VSIR: variants seen among roughly 807,000 people sequenced by gnomAD.
VSIR encodes V-type immunoglobulin domain-containing suppressor of T-cell activation.
In VSIR, 10 loss-of-function variants were observed where a neutral mutation model predicts 31.0. That is an observed-to-expected ratio of 0.32 (90% CI 0.20 to 0.55). The LOEUF (loss-of-function observed/expected upper bound fraction) is 0.55, where lower values mean the gene tolerates loss of function less well. Ranked by LOEUF, VSIR falls within the 20% of genes least tolerant of loss-of-function variation. The pLI is 0.93. For synonymous variants in VSIR, 179 were observed against 180.1 expected, an observed-to-expected ratio of 0.99 and a Z score of 0.05; for missense variants, 356 against 416.2, an observed-to-expected ratio of 0.86 and a Z score of 1.26.
intron 2 of VSIR, 131 bp from the exon 3 acceptor site, chr10:71,761,055 G>T: frequency 1.1e-6 from 1 of 874,168 alleles, no homozygotes; most frequent in Non-Finnish European, 1.9e-6. Context: ...TTGGCCCAGT[G>T]GCAGCCTGCA....
intron 3 of VSIR, among the ~76,000 whole-genome samples, chr10:71,756,084 C>T (rs1455116654): frequency 6.6e-6 from 1 of 152,122 alleles, no homozygotes; most frequent in Non-Finnish European, 1.5e-5. Flanking sequence ...AGGAGAAACA[C>T]CCGGGGTGAG....
intron 4 of VSIR, chr10:71,753,899 G>A (rs1840068064): frequency 1.1e-5 from 5 of 456,184 alleles, no homozygotes; most frequent in Non-Finnish European, 1.8e-5. Flanking sequence ...AGGTGCACAC[G>A]GGTATTCCCT....
At chr10:71,761,304 A>G (rs1276833662) in intron 2 of VSIR, among the ~76,000 whole-genome samples, 2 of 152,224 alleles carry the variant, frequency 1.3e-5, no homozygotes, top group Admixed American at 6.5e-5. Flanking sequence ...CACAGCAGCC[A>G]TGATGTCATC....
rs1470815969 is a variant in VSIR, at chr10:71,759,970, TAC to T, written c.568+896_568+897del. Among the ~76,000 whole-genome samples, 594 of 79,020 alleles carry T rather than the reference TAC, an allele frequency of 7.5e-3. 80 individuals carry two copies. The highest frequency in any genetic ancestry group is 0.015 in the Middle Eastern group (2 of 130). The allele number at this position is 79,020 out of a possible 152,430, so 51.8% of individuals were successfully genotyped here. On this transcript the variant is annotated intron_variant, in intron 3 of 6. Transcript: ENST00000394957. ...ACATATATATACACACACATATATA[TAC>T]ACACACACATATATATACACACACA...
At position 71,761,708 on chromosome 10, in the gene VSIR, C is replaced by T. The variant is rs200235042; in HGVS notation, c.401G>A (p.Arg134His). The change falls in exon 2 of 7, where the codon CGC (arginine) becomes CAC (histidine). Residue 134 changes from arginine to histidine, a missense_variant. This residue lies in a region of VSIR where 166 missense variants were observed against 231.0 expected (regional missense o/e 0.72). Transcript: ENST00000394957. ...DHHGNFSITM[R>H]NLTLLDSGLY... The stretch of plus-strand genomic sequence containing the variant: ...GCCGCTATCCAGCAGGGTCAGGTTG[C>T]GCATGGTGATGGAGAAGTTGCCATG... The T allele has an allele frequency of 1.7e-5, 28 of 1,614,030 alleles. No homozygotes were observed. In the East Asian group the frequency reaches 4.0e-4, roughly 23 times the overall value.
At position 71,760,314 on chromosome 10, in the gene VSIR, C is replaced by CACAT. The variant is rs1417602987; in HGVS notation, c.568+553_568+554insATGT. ...GTGTATATATATGTATATACACACACATATATATATATATATATCCCTGAG... is the reference window on the plus strand; with the variant it reads ...GTGTATATATATGTATATACACACACACATATATATATATATATATATCCCTGAG... On this transcript the variant is annotated intron_variant, in intron 3 of 6. Transcript: ENST00000394957. Among the ~76,000 whole-genome samples, 257 of 82,426 alleles carry CACAT rather than the reference C, an allele frequency of 3.1e-3. 5 individuals carry two copies. Among genetic ancestry groups the CACAT allele is most frequent in the African/African-American group, 6.6e-3 (191 of 28,862 alleles). The allele number at this position is 82,426 out of a possible 152,430, so 54.1% of individuals were successfully genotyped here.
At chr10:71,766,304 T>C (rs1269158586) in intron 1 of VSIR, among the ~76,000 whole-genome samples, 2 of 152,170 alleles carry the variant, frequency 1.3e-5, no homozygotes, top group East Asian at 1.9e-4. Context: ...GGCCTGAGCA[T>C]GTGCCAGGCG....
Position 71,750,572 on chromosome 10 carries a change from G to A in VSIR, c.*681C>T, listed in dbSNP as rs149298009. 1,141 of 152,474 alleles carry A rather than the reference G, an allele frequency of 7.5e-3. 7 individuals are homozygous for A. The highest frequency in any genetic ancestry group is 0.012 in the Non-Finnish European group (838 of 68,122). 9.4% of individuals were successfully genotyped at this position (152,474 alleles called of 1,614,324 possible). On this transcript the variant is annotated 3_prime_UTR_variant, in exon 7 of 7. Transcript: ENST00000394957. Reference sequence around the variant, plus strand: ...ATTGCCCAAGACACCATTTGCTCACGGAGGCCACCATGCCCCAATATGTAC... The same window carrying A: ...ATTGCCCAAGACACCATTTGCTCACAGAGGCCACCATGCCCCAATATGTAC...
Position 71,761,696 on chromosome 10 carries a change from AG to A in VSIR, c.412del (p.Leu138CysfsTer66), listed in dbSNP as rs1840389992. 1 of 1,613,888 alleles carries A rather than the reference AG, an allele frequency of 6.2e-7. No homozygotes were observed. The highest frequency in any genetic ancestry group is 8.5e-7 in the Non-Finnish European group (1 of 1,180,024). On this transcript the variant is annotated frameshift_variant, in exon 2 of 7. Coordinates refer to ENST00000394957, the MANE Select transcript of VSIR (RefSeq NM_022153.2). LOFTEE classifies it high-confidence loss of function. ...GCAGCAGTAGAGGCCGCTATCCAGCAGGGTCAGGTTGCGCATGGTGATGGAG... is the reference window on the plus strand; with the variant it reads ...GCAGCAGTAGAGGCCGCTATCCAGCAGGTCAGGTTGCGCATGGTGATGGAG... ...NFSITMRNLT[L>X]LDSGLYCCLV...
chr10:71,759,093 A>G (rs1840224350), intron 3 of VSIR, among the ~76,000 whole-genome samples: 1 of 151,810 alleles, frequency 6.6e-6, no homozygotes, highest in Non-Finnish European at 1.5e-5. Flanking sequence ...GCTGGAGTGC[A>G]GTGGCGCGAT....
intron 1 of VSIR, among the ~76,000 whole-genome samples, chr10:71,769,597 G>C (rs894462615): frequency 6.6e-6 from 1 of 152,192 alleles, no homozygotes; most frequent in African/African-American, 2.4e-5. Context: ...TTCAGAGGAG[G>C]GTGGTCAGCC....
chr10:71,752,201 G>T (rs952312985), intron 5 of VSIR: 22 of 436,654 alleles, frequency 5.0e-5, no homozygotes, highest in South Asian at 4.1e-4. Flanking sequence ...GTTTCTCTTT[G>T]GTCAATAGAG....
Position 71,751,171 on chromosome 10 carries a change from G to A in VSIR, c.*82C>T. On this transcript the variant is annotated 3_prime_UTR_variant, in exon 7 of 7. Transcript: ENST00000394957. The surrounding 1 kb of genome is among the most constrained non-coding windows in gnomAD (Gnocchi z 4.9). ...GGGAGGGAACCAGGGCCGAGGCCAA[G>A]GAGGCCACTCACAGAGCCAGCCCTG... The A allele has an allele frequency of 1.3e-6, 2 of 1,490,178 alleles. No individual in the cohort carries two copies. Among genetic ancestry groups the A allele is most frequent in the Non-Finnish European group, 1.8e-6 (2 of 1,094,016 alleles). The allele number at this position is 1,490,178 out of a possible 1,614,324, so 92.3% of individuals were successfully genotyped here. A position where few individuals can be genotyped will look rare whatever the true frequency, so the allele number is the denominator to read the frequency against.
intron 4 of VSIR, chr10:71,755,008 G>A (rs999907588): frequency 2.1e-5 from 10 of 467,682 alleles, no homozygotes; most frequent in African/African-American, 9.9e-5. Flanking sequence ...AAACAAGCAC[G>A]CCCATACCTT....
chr10:71,761,468 C>G (rs776568616), intron 2 of VSIR, 130 bp downstream of exon 2: 1 of 1,135,534 alleles, frequency 8.8e-7, no homozygotes, highest in Non-Finnish European at 1.2e-6. Context: ...ATCTCACCCA[C>G]ACACTCCCTG....
At chr10:71,752,216 T>TGGC (rs1029337712) in intron 5 of VSIR, among the ~76,000 whole-genome samples, 3 of 152,188 alleles carry the variant, frequency 2.0e-5, no homozygotes, top group African/African-American at 7.2e-5. Flanking sequence ...ATAGAGTTGA[T>TGGC]GGCATTAGGA....
At chr10:71,755,298 C>CCCCCA in intron 4 of VSIR, 61 bp downstream of exon 4, 1 of 1,454,824 alleles carries the variant, frequency 6.9e-7, no homozygotes, top group East Asian at 2.4e-5. Flanking sequence ...AGGGGCTGAA[C>CCCCCA]TGGGGGCTGG....
In VSIR at chr10:71,750,994, G is replaced by T; in HGVS notation, c.*259C>A. The T allele has an allele frequency of 2.2e-6, 1 of 455,256 alleles. No homozygotes were observed. The allele number at this position is 455,256 out of a possible 1,614,324, so 28.2% of individuals were successfully genotyped here. A position where few individuals can be genotyped will look rare whatever the true frequency, so the allele number is the denominator to read the frequency against. On this transcript the variant is annotated 3_prime_UTR_variant, in exon 7 of 7. Transcript: ENST00000394957. ...TTAAGATGTAAGTCATTTGGCATCT[G>T]TAGCTGGTGAATTTCAGGTCTCTAG...
In VSIR at chr10:71,751,062, G is replaced by A; in HGVS notation, c.*191C>T. 3 of 651,828 alleles carry A rather than the reference G, an allele frequency of 4.6e-6. No homozygotes were observed. The highest frequency in any genetic ancestry group is 7.7e-6 in the Non-Finnish European group (3 of 389,320). The allele number at this position is 651,828 out of a possible 1,614,324, so 40.4% of individuals were successfully genotyped here. On this transcript the variant is annotated 3_prime_UTR_variant, in exon 7 of 7. Coordinates refer to ENST00000394957, the MANE Select transcript of VSIR (RefSeq NM_022153.2). The surrounding 1 kb of genome is among the most constrained non-coding windows in gnomAD (Gnocchi z 4.9). ...CCAAAATCCTTGGAACAGGGGCTGA[G>A]CCGTCCAGCATCCCCATGTAGCATC... is the stretch of plus-strand genomic sequence containing the variant.
Sources: gnomAD v4.1 joint callset for allele counts (sites outside exome capture counted in the v4.1 genomes callset) on GRCh38, gnomAD v4.1.1 for gene constraint, gnomAD v4.1.1 regional missense constraint, Gnocchi (gnomAD v3.1) non-coding constraint, MANE v1.5 for transcripts, NCBI Gene and HGNC (gene_info 2026-07-23, HGNC 2026-07-21) for gene names.